The following WWOX variants were observed in gnomAD, a reference collection of about 807,000 sequenced individuals.
The protein encoded by WWOX is WW domain-containing oxidoreductase.
WWOX carries 69 observed loss-of-function variants against 46.2 expected under a neutral mutation model. That is an observed-to-expected ratio of 1.49 (90% confidence interval 1.23 to 1.82). The LOEUF (loss-of-function observed/expected upper bound fraction) is 1.82, where lower values mean the gene tolerates loss of function less well. WWOX is among the 40% of genes most tolerant of loss of function. The pLI, the probability that WWOX is intolerant of heterozygous loss-of-function variation, is 0.00. For synonymous variants in WWOX, 359 were observed against 202.6 expected, an observed-to-expected ratio of 1.77 and a Z score of -6.56; for missense variants, 919 against 542.6, an observed-to-expected ratio of 1.69 and a Z score of -6.89.
intron 8 of WWOX, among the ~76,000 whole-genome samples, chr16:78,919,343 A>G (rs2045323411): frequency 6.6e-6 from 1 of 152,118 alleles, no homozygotes; most frequent in Non-Finnish European, 1.5e-5. Context: ...GGCAAGTGGT[A>G]GATTCTAGAA....
chr16:78,754,952 G>A (rs1336296477), intron 8 of WWOX, among the ~76,000 whole-genome samples: 1 of 150,460 alleles, frequency 6.6e-6, no homozygotes, highest in Non-Finnish European at 1.5e-5. Flanking sequence ...TCCACAAAGA[G>A]CCAGCCATTT....
intron 8 of WWOX, among the ~76,000 whole-genome samples, chr16:78,936,675 A>G (rs1001464623): frequency 1.3e-5 from 2 of 152,138 alleles, no homozygotes; most frequent in Non-Finnish European, 2.9e-5. Context: ...TTGGAAAGCA[A>G]CGTACCCTAG....
chr16:78,585,086 A>C (rs542921959), intron 8 of WWOX, among the ~76,000 whole-genome samples: 1 of 152,314 alleles, frequency 6.6e-6, no homozygotes, highest in East Asian at 1.9e-4. Context: ...CTTTTACTCA[A>C]AACCTGAACC....
chr16:78,898,306 T>A (rs1031968490), intron 8 of WWOX: 2 of 152,180 alleles, frequency 1.3e-5, no homozygotes, highest in African/African-American at 4.8e-5. Flanking sequence ...CCATCTCAAA[T>A]TAATTTTTGT....
chr16:78,752,469 G>T (rs577020460), intron 8 of WWOX, among the ~76,000 whole-genome samples: 4 of 152,130 alleles, frequency 2.6e-5, no homozygotes, highest in Non-Finnish European at 4.4e-5. Context: ...TGTATTTTTA[G>T]TAGACACGGG....
intron 5 of WWOX, among the ~76,000 whole-genome samples, chr16:78,188,857 A>G (rs1192073111): frequency 6.6e-6 from 1 of 152,218 alleles, no homozygotes; most frequent in Admixed American, 6.5e-5. Flanking sequence ...GATATGACAC[A>G]TGCTCTGTTT....
At chr16:78,815,381 G>C (rs1011068177) in intron 8 of WWOX, among the ~76,000 whole-genome samples, 2 of 151,968 alleles carry the variant, frequency 1.3e-5, no homozygotes, top group Non-Finnish European at 2.9e-5. Context: ...GGCAGGAGCT[G>C]TTCCTGCTGT....
chr16:78,624,750 C>T (rs1298882985), intron 8 of WWOX, among the ~76,000 whole-genome samples: 1 of 152,176 alleles, frequency 6.6e-6, no homozygotes, highest in African/African-American at 2.4e-5. Context: ...AGCACCCTGG[C>T]TGGAAATTAT....
chr16:78,954,638 C>T (rs1012010993), intron 8 of WWOX, among the ~76,000 whole-genome samples: 2 of 152,020 alleles, frequency 1.3e-5, no homozygotes, highest in South Asian at 2.1e-4. Context: ...CAGACCTGAC[C>T]TCAATGATTT....
intron 3 of WWOX, among the ~76,000 whole-genome samples, chr16:78,113,482 A>T (rs1374494078): frequency 6.6e-6 from 1 of 152,166 alleles, no homozygotes; most frequent in Non-Finnish European, 1.5e-5. Flanking sequence ...AGAAACAGGC[A>T]GTGGGCCAGA....
At chr16:78,588,417 A>G (rs1280930081) in intron 8 of WWOX, among the ~76,000 whole-genome samples, 1 of 152,204 alleles carries the variant, frequency 6.6e-6, no homozygotes, top group Non-Finnish European at 1.5e-5. Flanking sequence ...CTGTACTCAG[A>G]TGAGGCTTGC....
intron 8 of WWOX, among the ~76,000 whole-genome samples, chr16:79,098,246 G>A (rs1336158155): frequency 6.6e-6 from 1 of 152,218 alleles, no homozygotes; most frequent in Non-Finnish European, 1.5e-5. Flanking sequence ...GCTCTAAGCA[G>A]AGGCACAGTC....
At chr16:78,539,342 G>C (rs1249232414) in intron 8 of WWOX, among the ~76,000 whole-genome samples, 1 of 152,190 alleles carries the variant, frequency 6.6e-6, no homozygotes, top group Non-Finnish European at 1.5e-5. Context: ...AAAATATCCA[G>C]CTCTCTGTTT....
At chr16:78,120,363 G>T (rs1331620605) in intron 4 of WWOX, among the ~76,000 whole-genome samples, 5 of 152,040 alleles carry the variant, frequency 3.3e-5, no homozygotes, top group Admixed American at 6.6e-5. Flanking sequence ...GAGGTCAGGA[G>T]ATCGAGACCA....
At chr16:78,872,902 G>T (rs191128083) in intron 8 of WWOX, 1 of 152,426 alleles carries the variant, frequency 6.6e-6, no homozygotes, top group South Asian at 2.1e-4. Context: ...GGCTCAAGCA[G>T]TCCTCCCATG....
intron 8 of WWOX, among the ~76,000 whole-genome samples, chr16:78,676,742 C>T (rs925185231): frequency 6.6e-6 from 1 of 152,164 alleles, no homozygotes; most frequent in Admixed American, 6.5e-5. Flanking sequence ...ATACTCGTTT[C>T]AGCTAAGTCT....
At chr16:78,254,315 G>A (rs1043643711) in intron 5 of WWOX, among the ~76,000 whole-genome samples, 1 of 151,778 alleles carries the variant, frequency 6.6e-6, no homozygotes, top group South Asian at 2.1e-4. Flanking sequence ...GAACTCCTGG[G>A]CTCAAGCAAT....
chr16:78,611,783 A>C (rs2045906578), intron 8 of WWOX, among the ~76,000 whole-genome samples: 2 of 152,170 alleles, frequency 1.3e-5, no homozygotes, highest in South Asian at 4.1e-4. Context: ...TATCAGCTTC[A>C]GTCAAGGAAC....
chr16:78,139,593 T>A (rs929196558), intron 4 of WWOX, among the ~76,000 whole-genome samples: 1 of 152,074 alleles, frequency 6.6e-6, no homozygotes, highest in Non-Finnish European at 1.5e-5. Context: ...TGCAGCGAGC[T>A]GAGATTGCGC....
Sources: allele counts gnomAD v4.1 joint callset (sites outside exome capture counted in the v4.1 genomes callset), GRCh38; gene constraint gnomAD v4.1.1; transcripts MANE v1.5; gene names NCBI Gene and HGNC (gene_info 2026-07-23, HGNC 2026-07-21).